RNF2: variants seen among roughly 807,000 people sequenced by gnomAD.
RNF2 encodes the protein ring finger protein 2, also known as E3 ubiquitin-protein ligase RING2.
RNF2 carries 6 observed loss-of-function variants against 37.2 expected under a neutral mutation model. That is an observed-to-expected ratio of 0.16 (90% confidence interval 0.09 to 0.32). The LOEUF is 0.32. Ranked by LOEUF, RNF2 falls within the 10% of genes least tolerant of loss-of-function variation. The pLI, the probability that RNF2 is intolerant of heterozygous loss-of-function variation, is 1.00. For missense variants in RNF2, 251 were observed against 404.0 expected (o/e 0.62, Z 3.25); for synonymous variants, 133 against 132.7 (o/e 1.00, Z -0.02).
chr1:185,054,471 T>C (rs547917528), intron 1 of RNF2, among the ~76,000 whole-genome samples: 26 of 152,250 alleles, frequency 1.7e-4, no homozygotes, highest in East Asian at 9.7e-4. Flanking sequence ...AAGCAGGCCT[T>C]CTTCTCCCAT....
intron 1 of RNF2, among the ~76,000 whole-genome samples, chr1:185,079,859 G>A (rs1651292458): frequency 6.6e-6 from 1 of 152,140 alleles, no homozygotes; most frequent in Admixed American, 6.5e-5. Flanking sequence ...GAACCCGGGA[G>A]GTGGAGGTTG....
chr1:185,100,925 C>A lies in RNF2; in HGVS notation c.*624C>A, dbSNP rs1652061156. 6.7e-6 allele frequency: 1 copy of A among 150,016 alleles called. No homozygotes were observed. Among genetic ancestry groups the A allele is most frequent in the Non-Finnish European group, 1.5e-5 (1 of 67,392 alleles). The allele number at this position is 150,016 out of a possible 1,614,324, so 9.3% of individuals were successfully genotyped here. ...ATGTTTTTTTTTTTCCATTCTTTTT[C>A]CCTGTAATTTTGGAATTTCTGGTCC... is the stretch of plus-strand genomic sequence containing the variant. On this transcript the variant is annotated 3_prime_UTR_variant, in exon 7 of 7. Coordinates refer to ENST00000367510, the MANE Select transcript of RNF2 (RefSeq NM_007212.4).
chr1:185,057,769 T>G (rs752999829), intron 1 of RNF2, among the ~76,000 whole-genome samples: 4 of 151,440 alleles, frequency 2.6e-5, no homozygotes, highest in Non-Finnish European at 5.9e-5. Flanking sequence ...TATCCTTGGA[T>G]TCAACAGACT....
chr1:185,059,221 T>C (rs989489201), intron 1 of RNF2, among the ~76,000 whole-genome samples: 1 of 112,818 alleles, frequency 8.9e-6, no homozygotes, highest in African/African-American at 4.3e-5. Flanking sequence ...TGAATCCCAG[T>C]CTGGATTAAA....
intron 1 of RNF2, among the ~76,000 whole-genome samples, chr1:185,071,206 C>G (rs1253569287): frequency 6.6e-6 from 1 of 152,198 alleles, no homozygotes; most frequent in East Asian, 1.9e-4. Context: ...ACGCATTCAT[C>G]TCAGGGTAGG....
intron 1 of RNF2, among the ~76,000 whole-genome samples, chr1:185,064,569 A>C (rs1406977633): frequency 6.6e-6 from 1 of 152,244 alleles, no homozygotes; most frequent in Non-Finnish European, 1.5e-5. Context: ...AAAACACTTT[A>C]AGCTTATATT....
At chr1:185,079,964 G>T (rs569672766) in intron 1 of RNF2, among the ~76,000 whole-genome samples, 1 of 151,948 alleles carries the variant, frequency 6.6e-6, no homozygotes, top group South Asian at 2.1e-4. Context: ...CTTTAAACTT[G>T]TTATAATTTT....
intron 1 of RNF2, among the ~76,000 whole-genome samples, chr1:185,057,230 G>A (rs775133788): frequency 2.0e-5 from 3 of 152,110 alleles, no homozygotes; most frequent in Non-Finnish European, 4.4e-5. Flanking sequence ...AGGATTGCTT[G>A]AACCCAGGAG....
At chr1:185,090,995 A>G (rs1361464550) in intron 2 of RNF2, among the ~76,000 whole-genome samples, 1 of 152,266 alleles carries the variant, frequency 6.6e-6, no homozygotes, top group African/African-American at 2.4e-5. Flanking sequence ...ACTACTTTGT[A>G]TAAAATTGCT....
At chr1:185,074,982 C>G (rs115284030) in intron 1 of RNF2, among the ~76,000 whole-genome samples, 2 of 151,142 alleles carry the variant, frequency 1.3e-5, no homozygotes, top group East Asian at 1.9e-4. Flanking sequence ...TATATAGTTC[C>G]GTGTGTGTGT....
intron 1 of RNF2, among the ~76,000 whole-genome samples, chr1:185,051,441 TAC>T (rs1400273768): frequency 6.6e-5 from 10 of 152,352 alleles, no homozygotes; most frequent in Non-Finnish European, 1.2e-4. Flanking sequence ...TCACTGACTT[TAC>T]AGATTATTTG....
intron 1 of RNF2, among the ~76,000 whole-genome samples, chr1:185,046,917 T>A (rs1650937938): frequency 6.6e-6 from 1 of 152,132 alleles, no homozygotes; most frequent in African/African-American, 2.4e-5. Flanking sequence ...GGTGTGAGAG[T>A]TTGCTTCTTA....
intron 5 of RNF2, among the ~76,000 whole-genome samples, chr1:185,098,618 T>A (rs1651982146): frequency 6.6e-6 from 1 of 152,222 alleles, no homozygotes; most frequent in East Asian, 1.9e-4. Context: ...CAATAGGCTC[T>A]AAAACTCATG....
At chr1:185,092,620 G>T (rs769830556) in intron 3 of RNF2, among the ~76,000 whole-genome samples, 1 of 151,902 alleles carries the variant, frequency 6.6e-6, no homozygotes, top group South Asian at 2.1e-4. Context: ...AAATTACAAC[G>T]CATAAAACCA....
At chr1:185,076,248 T>C (rs1478984380) in intron 1 of RNF2, among the ~76,000 whole-genome samples, 3 of 147,542 alleles carry the variant, frequency 2.0e-5, no homozygotes, top group South Asian at 4.3e-4. Context: ...CCTTCTTTTC[T>C]TCTAGATCTT....
Position 185,048,695 on chromosome 1 carries a change from A to G in RNF2, c.-3+3046A>G, listed in dbSNP as rs538860709. Among the ~76,000 whole-genome samples the G allele has an allele frequency of 1.1e-4, 17 of 152,104 alleles. No homozygotes were observed. In the East Asian group the frequency reaches 2.7e-3, roughly 24 times the overall value. ...GCAAGGGGGATTTCTTTTTGTTTCT[A>G]TGCTATAGAGTGGAGTTGTATGAAG... On this transcript the variant is annotated intron_variant, in intron 1 of 6. Transcript: ENST00000367510.
Position 185,099,844 on chromosome 1 carries a change from C to T in RNF2, c.791C>T (p.Ala264Val). The T allele has an allele frequency of 6.2e-7, 1 of 1,614,036 alleles. No individual in the cohort carries two copies. Among genetic ancestry groups the T allele is most frequent in the African/African-American group, 1.3e-5 (1 of 75,032 alleles). ...GTTGATCACTTATCCAAGTATCTGG[C>T]TGTGAGGTTAGCTTTAGAAGAACTT... is the stretch of plus-strand genomic sequence containing the variant. ...ATVDHLSKYL[A>V]VRLALEELRS... The change falls in exon 6 of 7, where the codon GCT (alanine) becomes GTT (valine). Residue 264 changes from alanine (A) to valine (V), a missense_variant. Physicochemically the swap from Ala to Val is moderately conservative, Grantham distance 64. Around this residue, in one of 7 missense-constraint regions of RNF2, gnomAD observed 16 missense variants for 47.7 expected, o/e 0.34. Coordinates refer to ENST00000367510, the MANE Select transcript of RNF2 (RefSeq NM_007212.4).
intron 1 of RNF2, among the ~76,000 whole-genome samples, chr1:185,073,130 G>A (rs575761794): frequency 8.1e-5 from 12 of 147,948 alleles, no homozygotes; most frequent in Middle Eastern, 3.6e-3. Context: ...TTATAGCTAC[G>A]TAGTATTCTA....
At chr1:185,074,028 G>T (rs1026518454) in intron 1 of RNF2, among the ~76,000 whole-genome samples, 7 of 152,200 alleles carry the variant, frequency 4.6e-5, no homozygotes, top group African/African-American at 1.7e-4. Context: ...CAATCCCCTT[G>T]TCAGGTTTGA....
Sources: allele counts gnomAD v4.1 joint callset (sites outside exome capture counted in the v4.1 genomes callset), GRCh38; gene constraint gnomAD v4.1.1; regional missense constraint gnomAD v4.1.1; transcripts MANE v1.5; gene names NCBI Gene and HGNC (gene_info 2026-07-23, HGNC 2026-07-21).